ALG14: variants seen among roughly 807,000 people sequenced by gnomAD.
ALG14 encodes ALG14 UDP-N-acetylglucosaminyltransferase subunit.
In ALG14, 17 loss-of-function variants were observed where a neutral mutation model predicts 22.8. The ratio of observed to expected loss-of-function variants is 0.75; its 90% CI spans 0.51 to 1.12. The LOEUF (loss-of-function observed/expected upper bound fraction) is 1.12, where lower values mean the gene tolerates loss of function less well. ALG14 is among the 50% of genes most tolerant of loss of function. The pLI is 0.00. For synonymous variants in ALG14, 89 were observed against 103.7 expected (o/e 0.86, Z 0.86); for missense variants, 288 against 271.8 (o/e 1.06, Z -0.42).
In ALG14 at chr1:95,027,183, G is replaced by A. The variant is rs200299976; in HGVS notation, c.366C>T (p.Thr122=). The A allele has an allele frequency of 6.2e-7, 1 of 1,614,196 alleles. No homozygotes were observed. The highest frequency in any genetic ancestry group is 1.3e-5 in the African/African-American group (1 of 75,062). The change falls in exon 3 of 4, where the codon ACC becomes ACT. Residue 122 remains threonine (T), a synonymous_variant. Coordinates refer to ENST00000370205, the MANE Select transcript of ALG14 (RefSeq NM_144988.4). ...GAAAGGAGAGCCACATGGAGTGCAA[G>A]GTGGTGAAAACGGTGGAGGGCCAGG... ...QQSWPSTVFT[T]LHSMWLSFPL...
rs547996899 is a variant in ALG14 at position 94,983,005 on chromosome 1, G to GT, written c.*70dup. On this transcript the variant is annotated 3_prime_UTR_variant, in exon 4 of 4. Coordinates refer to ENST00000370205, the MANE Select transcript of ALG14 (RefSeq NM_144988.4). ...GACGCCTTTACAAGAAACATGTAGGGTTTTTTTCCCCCCAATTTGAGTACA... is the reference window on the plus strand; with the variant it reads ...GACGCCTTTACAAGAAACATGTAGGGTTTTTTTTCCCCCCAATTTGAGTACA... 1.4e-3 allele frequency: 1,871 copies of GT among 1,336,862 alleles called. 8 individuals are homozygous for GT. The highest frequency in any genetic ancestry group is 8.3e-3 in the South Asian group (680 of 81,536). The allele number at this position is 1,336,862 out of a possible 1,614,324, so 82.8% of individuals were successfully genotyped here. A position where few individuals can be genotyped will look rare whatever the true frequency, so the allele number is the denominator to read the frequency against.
At chr1:95,037,560 A>G (rs2100790130) in intron 2 of ALG14, among the ~76,000 whole-genome samples, 1 of 152,348 alleles carries the variant, frequency 6.6e-6, no homozygotes, top group South Asian at 2.1e-4. Flanking sequence ...AAGACAGAGC[A>G]GAGAGACAAC....
chr1:94,974,797 A>G lies in ALG14; in HGVS notation c.*8279T>C, dbSNP rs1409603925. Reference sequence around the variant, plus strand: ...AAACTACTACCATTTAATCATGCCTATGAACTCTGTGGATCAGCAAATCAC... The same window carrying G: ...AAACTACTACCATTTAATCATGCCTGTGAACTCTGTGGATCAGCAAATCAC... On this transcript the variant is annotated 3_prime_UTR_variant, in exon 4 of 4. Transcript: ENST00000370205. 1.3e-5 allele frequency: 2 copies of G among 152,234 alleles called. No homozygotes were observed. The highest frequency in any genetic ancestry group is 2.9e-5 in the Non-Finnish European group (2 of 68,052). The allele number at this position is 152,234 out of a possible 1,614,324, so 9.4% of individuals were successfully genotyped here.
At chr1:95,062,518 CA>C (rs796259889) in intron 2 of ALG14, among the ~76,000 whole-genome samples, 3 of 152,086 alleles carry the variant, frequency 2.0e-5, no homozygotes, top group African/African-American at 7.2e-5. Context: ...TCTCATTGTT[CA>C]GCTCCTACTT....
rs970774363 is a variant in ALG14, at chr1:94,986,817, C to T, written c.421-3511G>A. Among the ~76,000 whole-genome samples, 8 of 150,020 alleles carry T rather than the reference C, an allele frequency of 5.3e-5. No individual in the cohort carries two copies. The East Asian group carries it at 5.9e-4, about 11-fold the overall frequency. On this transcript the variant is annotated intron_variant, in intron 3 of 3. Transcript: ENST00000370205. Reference sequence around the variant, plus strand: ...CATCCCACATCCATCACCTTTTCCTCGGGAACGAACCACTGTATCCTTCGC... The same window carrying T: ...CATCCCACATCCATCACCTTTTCCTTGGGAACGAACCACTGTATCCTTCGC...
chr1:94,983,835 G>A (rs897602568), intron 3 of ALG14, among the ~76,000 whole-genome samples: 35 of 151,430 alleles, frequency 2.3e-4, no homozygotes, highest in African/African-American at 6.5e-4. Context: ...TCTGCCTCCC[G>A]GGTTCAAGCG....
chr1:95,026,403 G>A (rs1040839621), intron 3 of ALG14, among the ~76,000 whole-genome samples: 8 of 151,692 alleles, frequency 5.3e-5, no homozygotes, highest in African/African-American at 1.9e-4. Context: ...GCCACTGCAG[G>A]GTTATTAATT....
Position 94,981,595 on chromosome 1 carries a change from C to A in ALG14, c.*1481G>T, listed in dbSNP as rs1672494092. ...TAATCACTATTTATTAGATTTATAT[C>A]ATACTTATAAAGCAAAAGATTTAAG... is the stretch of plus-strand genomic sequence containing the variant. On this transcript the variant is annotated 3_prime_UTR_variant, in exon 4 of 4. Coordinates refer to ENST00000370205, the MANE Select transcript of ALG14 (RefSeq NM_144988.4). 1 of 150,586 alleles carries A rather than the reference C, an allele frequency of 6.6e-6. No homozygotes were observed. Among genetic ancestry groups the A allele is most frequent in the African/African-American group, 2.4e-5 (1 of 41,004 alleles). 9.3% of individuals were successfully genotyped at this position (150,586 alleles called of 1,614,324 possible).
intron 3 of ALG14, among the ~76,000 whole-genome samples, chr1:95,017,677 A>C (rs1459207884): frequency 2.0e-5 from 3 of 152,182 alleles, no homozygotes; most frequent in African/African-American, 7.2e-5. Flanking sequence ...AGGGCCATAG[A>C]AGGGCAACCA....
intron 2 of ALG14, among the ~76,000 whole-genome samples, chr1:95,040,862 T>C: frequency 6.6e-6 from 1 of 152,302 alleles, no homozygotes; most frequent in South Asian, 2.1e-4. Context: ...CACTGGGAAA[T>C]TGGTTAAATT....
At chr1:95,058,616 TA>T (rs61435505) in intron 2 of ALG14, among the ~76,000 whole-genome samples, 14,237 of 99,296 alleles carry the variant, frequency 0.14, 774 homozygotes, top group African/African-American at 0.21. Context: ...GATTCATTCT[TA>T]AAAAAAAAAA....
In ALG14 at chr1:94,980,999, G is replaced by A. The variant is rs560823569; in HGVS notation, c.*2077C>T. ...AAGCCTCTGCAGCAGGATTACCTGT[G>A]GGGGCCCAGGGAAGCTGCCCCACAG... On this transcript the variant is annotated 3_prime_UTR_variant, in exon 4 of 4. Coordinates refer to ENST00000370205, the MANE Select transcript of ALG14 (RefSeq NM_144988.4). 1 of 152,244 alleles carries A rather than the reference G, an allele frequency of 6.6e-6. No individual in the cohort carries two copies. The highest frequency in any genetic ancestry group is 1.9e-4 in the East Asian group (1 of 5,180). 9.4% of individuals were successfully genotyped at this position (152,244 alleles called of 1,614,324 possible).
intron 2 of ALG14, among the ~76,000 whole-genome samples, chr1:95,041,066 G>C (rs1674360920): frequency 6.6e-6 from 1 of 152,100 alleles, no homozygotes; most frequent in African/African-American, 2.4e-5. Flanking sequence ...ATATCTACCT[G>C]ATATACTATT....
intron 3 of ALG14, among the ~76,000 whole-genome samples, chr1:95,010,096 T>A (rs1189518750): frequency 6.6e-6 from 1 of 152,200 alleles, no homozygotes; most frequent in African/African-American, 2.4e-5. Flanking sequence ...GAAAAAATAT[T>A]AGACTTTTTA....
intron 1 of ALG14, among the ~76,000 whole-genome samples, chr1:95,070,575 T>C (rs1011584935): frequency 1.3e-5 from 2 of 152,230 alleles, no homozygotes; most frequent in Non-Finnish European, 2.9e-5. Flanking sequence ...GATTACATTC[T>C]TTGGTATAGG....
chr1:95,032,361 G>A (rs1674036509), intron 2 of ALG14, among the ~76,000 whole-genome samples: 1 of 152,142 alleles, frequency 6.6e-6, no homozygotes, highest in Non-Finnish European at 1.5e-5. Context: ...GGGTTGAACT[G>A]AATGGAATTC....
chr1:95,048,111 T>C (rs1438901525), intron 2 of ALG14, among the ~76,000 whole-genome samples: 1 of 152,234 alleles, frequency 6.6e-6, no homozygotes, highest in East Asian at 1.9e-4. Flanking sequence ...AAATTTCCAC[T>C]AAACACAGTG....
At chr1:94,993,181 A>ACTGGG (rs1672816477) in intron 3 of ALG14, among the ~76,000 whole-genome samples, 1 of 149,064 alleles carries the variant, frequency 6.7e-6, no homozygotes, top group African/African-American at 2.5e-5. Context: ...CTTGGAGTAG[A>ACTGGG]CTGGGCAGGG....
At chr1:95,069,685 C>T (rs1418368132) in intron 1 of ALG14, among the ~76,000 whole-genome samples, 1 of 152,062 alleles carries the variant, frequency 6.6e-6, no homozygotes, top group Non-Finnish European at 1.5e-5. Context: ...AAATAATATC[C>T]CAAAATGAAG....
Sources: allele counts gnomAD v4.1 joint callset (sites outside exome capture counted in the v4.1 genomes callset), GRCh38; gene constraint gnomAD v4.1.1; transcripts MANE v1.5; gene names NCBI Gene and HGNC (gene_info 2026-07-23, HGNC 2026-07-21).